Variants in FAF1 observed in about 807,000 individuals in gnomAD.
FAF1 encodes the protein FAS-associated factor 1.
A neutral mutation model predicts 92.5 loss-of-function variants in FAF1; 25 were observed. The observed-to-expected ratio is 0.27, with a 90% CI of 0.20 to 0.38. The LOEUF is 0.38. FAF1 is among the 10% of genes least tolerant of loss of function. FAF1 has a pLI of 1.00. For synonymous variants in FAF1, 234 were observed against 273.2 expected, an observed-to-expected ratio of 0.86 and a Z score of 1.42; for missense variants, 636 against 793.3, an observed-to-expected ratio of 0.80 and a Z score of 2.38.
At chr1:50,798,925 G>C (rs1447208516) in intron 3 of FAF1, among the ~76,000 whole-genome samples, 1 of 152,006 alleles carries the variant, frequency 6.6e-6, no homozygotes, top group Non-Finnish European at 1.5e-5. Context: ...TGTCACCTAG[G>C]CTGGAGTGCA....
At chr1:50,482,787 C>T (rs115596210) in intron 17 of FAF1, among the ~76,000 whole-genome samples, 1,998 of 152,122 alleles carry the variant, frequency 0.013, 42 homozygotes, top group African/African-American at 0.044. Flanking sequence ...CACTTATTTG[C>T]CTTCTGTATA....
chr1:50,501,537 T>A (rs889984979), intron 15 of FAF1, among the ~76,000 whole-genome samples: 1 of 151,948 alleles, frequency 6.6e-6, no homozygotes, highest in African/African-American at 2.4e-5. Flanking sequence ...GGCAGGCACC[T>A]GTAATCCCAG....
chr1:50,807,240 C>G (rs1245392122), intron 2 of FAF1, among the ~76,000 whole-genome samples: 1 of 152,202 alleles, frequency 6.6e-6, no homozygotes, highest in Non-Finnish European at 1.5e-5. Context: ...AACACGGTCA[C>G]AGGTGTATTA....
chr1:50,497,503 T>G (rs192862191), intron 15 of FAF1, among the ~76,000 whole-genome samples: 2 of 151,282 alleles, frequency 1.3e-5, no homozygotes, highest in Non-Finnish European at 2.9e-5. Context: ...AAATGGGAGC[T>G]TCATAGGTAA....
intron 15 of FAF1, among the ~76,000 whole-genome samples, chr1:50,496,167 G>C (rs1272798154): frequency 3.3e-5 from 5 of 152,146 alleles, no homozygotes; most frequent in Admixed American, 6.6e-5. Flanking sequence ...AGTGGCTATA[G>C]ACTTTTTTCA....
In FAF1 at chr1:50,615,695, A is replaced by G. The variant is rs1260868763; in HGVS notation, c.745-19479T>C. On this transcript the variant is annotated intron_variant, in intron 8 of 18. Coordinates refer to ENST00000396153, the MANE Select transcript of FAF1 (RefSeq NM_007051.3). ...AAATGTCTGTTTATATCCTTTATCC[A>G]TTTTTTAATGGGCTTGTTTTCTGCT... Among the ~76,000 whole-genome samples, 3 of 152,056 alleles carry G rather than the reference A, an allele frequency of 2.0e-5. No homozygotes were observed. In the East Asian group the frequency reaches 5.8e-4, roughly 29 times the overall value.
intron 18 of FAF1, among the ~76,000 whole-genome samples, chr1:50,449,468 TGGG>T (rs909133911): frequency 2.0e-5 from 3 of 151,494 alleles, no homozygotes; most frequent in Non-Finnish European, 2.9e-5. Flanking sequence ...ACTTTGAACT[TGGG>T]GGAACAACTT....
chr1:50,468,250 C>T (rs184394621), intron 18 of FAF1, among the ~76,000 whole-genome samples: 210 of 151,996 alleles, frequency 1.4e-3, no homozygotes, highest in Non-Finnish European at 2.4e-3. Flanking sequence ...TCACATTGTA[C>T]CCCATAACAA....
intron 18 of FAF1, among the ~76,000 whole-genome samples, chr1:50,474,126 A>G (rs1220184451): frequency 1.3e-5 from 2 of 152,244 alleles, no homozygotes; most frequent in Admixed American, 1.3e-4. Context: ...ATGCTTTGTT[A>G]CACTATGCCA....
intron 1 of FAF1, among the ~76,000 whole-genome samples, chr1:50,937,530 G>C (rs940537784): frequency 1.2e-4 from 19 of 152,108 alleles, no homozygotes; most frequent in Non-Finnish European, 1.5e-4. Context: ...TCAAGCAAAA[G>C]ATGGACATGA....
intron 8 of FAF1, among the ~76,000 whole-genome samples, chr1:50,631,019 T>C (rs2124208524): frequency 6.6e-6 from 1 of 152,058 alleles, no homozygotes; most frequent in South Asian, 2.1e-4. Context: ...GCCAGGCTCC[T>C]GACCTCGTAA....
chr1:50,738,539 TGA>T (rs1224917897), intron 6 of FAF1, among the ~76,000 whole-genome samples: 1 of 151,860 alleles, frequency 6.6e-6, no homozygotes, highest in African/African-American at 2.4e-5. Flanking sequence ...TCTTTAGCAA[TGA>T]GAGAGATTGG....
At chr1:50,567,896 T>C (rs1439300048) in intron 12 of FAF1, among the ~76,000 whole-genome samples, 7 of 152,208 alleles carry the variant, frequency 4.6e-5, no homozygotes, top group East Asian at 3.9e-4. Flanking sequence ...TGGCTCTTCA[T>C]ATAGAAAATT....
At chr1:50,462,021 T>G (rs974579879) in intron 18 of FAF1, among the ~76,000 whole-genome samples, 2 of 148,080 alleles carry the variant, frequency 1.4e-5, no homozygotes, top group Non-Finnish European at 3.0e-5. Flanking sequence ...TATATATATT[T>G]TATATATTAT....
intron 1 of FAF1, among the ~76,000 whole-genome samples, chr1:50,870,518 C>T (rs568989257): frequency 2.5e-3 from 388 of 152,348 alleles, no homozygotes; most frequent in Non-Finnish European, 4.4e-3. Flanking sequence ...GCAAGTCCAT[C>T]AGAACCATTT....
At chr1:50,680,970 T>C (rs1048960370) in intron 7 of FAF1, among the ~76,000 whole-genome samples, 6 of 152,092 alleles carry the variant, frequency 3.9e-5, no homozygotes, top group Non-Finnish European at 7.4e-5. Flanking sequence ...CCTTAACAGA[T>C]GCATTTACAT....
chr1:50,575,740 C>G (rs1488508944), intron 12 of FAF1, among the ~76,000 whole-genome samples: 1 of 152,072 alleles, frequency 6.6e-6, no homozygotes. Context: ...ATAACACAGA[C>G]AAGATAAGCA....
rs1281434992 is a variant in FAF1 at position 50,583,517 on chromosome 1, C to G, written c.1031+135G>C. 1 of 474,978 alleles carries G rather than the reference C, an allele frequency of 2.1e-6. No individual in the cohort carries two copies. The highest frequency in any genetic ancestry group is 3.2e-5 in the East Asian group (1 of 31,242). 29.4% of individuals were successfully genotyped at this position (474,978 alleles called of 1,614,324 possible). A position where few individuals can be genotyped will look rare whatever the true frequency, so the allele number is the denominator to read the frequency against. Reference sequence around the variant, plus strand: ...TTATTTATGTGTTTCACTATTAGGACTATATAAATTAACAAGTATATCCTT... The same window carrying G: ...TTATTTATGTGTTTCACTATTAGGAGTATATAAATTAACAAGTATATCCTT... On this transcript the variant is annotated intron_variant, in intron 11 of 18. Transcript: ENST00000396153. This position sits in a 1 kb window ranked among gnomAD's most constrained non-coding sequence, Gnocchi z 4.2.
intron 8 of FAF1, among the ~76,000 whole-genome samples, chr1:50,625,875 T>C (rs563211201): frequency 1.1e-4 from 16 of 152,092 alleles, no homozygotes; most frequent in African/African-American, 3.9e-4. Context: ...ATAAGATAAC[T>C]CACATTCCTC....
Sources: gnomAD v4.1 joint callset for allele counts (sites outside exome capture counted in the v4.1 genomes callset) on GRCh38, gnomAD v4.1.1 for gene constraint, Gnocchi (gnomAD v3.1) non-coding constraint, MANE v1.5 for transcripts, NCBI Gene and HGNC (gene_info 2026-07-23, HGNC 2026-07-21) for gene names.